The following TNNI3 variants were observed in gnomAD, a reference collection of about 807,000 sequenced individuals.
TNNI3 encodes troponin I3, cardiac type, also known as troponin I, cardiac muscle.
A neutral mutation model predicts 31.5 loss-of-function variants in TNNI3; 23 were observed. That is an observed-to-expected ratio of 0.73 (90% CI 0.52 to 1.03). TNNI3 has a LOEUF of 1.03. Among genes scored for constraint, TNNI3 ranks in the 50% least tolerant of loss-of-function variants. The pLI, the probability that TNNI3 is intolerant of heterozygous loss-of-function variation, is 0.00. For missense variants in TNNI3, 236 were observed against 282.9 expected, an observed-to-expected ratio of 0.83 and a Z score of 1.19; for synonymous variants, 120 against 111.7, an observed-to-expected ratio of 1.07 and a Z score of -0.47.
rs1461518960 is a variant in TNNI3, at chr19:55,151,825, CA to C, written c.*8del. ...CCCTCCTCAGGGCAGGGGCAGTAGGCAGGAAGGCTCAGCTCTCAAACTTTTT... is the reference window on the plus strand; with the variant it reads ...CCCTCCTCAGGGCAGGGGCAGTAGGCGGAAGGCTCAGCTCTCAAACTTTTT... On this transcript the variant is annotated 3_prime_UTR_variant, in exon 8 of 8. Coordinates refer to ENST00000344887, the MANE Select transcript of TNNI3 (RefSeq NM_000363.5). 7 of 1,613,604 alleles carry C rather than the reference CA, an allele frequency of 4.3e-6. No individual in the cohort carries two copies. The highest frequency in any genetic ancestry group is 5.9e-6 in the Non-Finnish European group (7 of 1,179,592).
chr19:55,154,902 G>GAGA lies in TNNI3; in HGVS notation c.283-75_283-73dup, dbSNP rs2085717568. On this transcript the variant is annotated intron_variant, in intron 5 of 7. Coordinates refer to ENST00000344887, the MANE Select transcript of TNNI3 (RefSeq NM_000363.5). ...GAGACCTGGACTCCTGGGTCTGAGG[G>GAGA]AGAAGGGGCTCGGGGCCTGGACTCC... The GAGA allele has an allele frequency of 2.9e-6, 4 of 1,383,950 alleles. No individual in the cohort carries two copies. The Admixed American group carries it at 7.0e-5, about 24-fold the overall frequency. 85.7% of individuals were successfully genotyped at this position (1,383,950 alleles called of 1,614,324 possible).
Position 55,154,777 on chromosome 19 carries a change from G to C in TNNI3, c.336C>G (p.Tyr112Ter). Residue 112 changes from tyrosine (Y) to a stop codon, truncating the protein, a stop_gained, in exon 6 of 8, where the codon TAC (tyrosine) becomes TAG (stop). Transcript: ENST00000344887. LOFTEE classifies it high-confidence loss of function. ...ARVDKVDEER[Y>*]DIEAKVTKNI... Reference sequence around the variant, plus strand: ...TCTTGGTGACTTTTGCCTCTATGTCGTATCTCTCTTCATCCACCTTGTCCA... The same window carrying C: ...TCTTGGTGACTTTTGCCTCTATGTCCTATCTCTCTTCATCCACCTTGTCCA... The C allele has an allele frequency of 2.5e-6, 4 of 1,614,164 alleles. No individual in the cohort carries two copies. Among genetic ancestry groups the C allele is most frequent in the Non-Finnish European group, 3.4e-6 (4 of 1,179,996 alleles).
Position 55,156,620 on chromosome 19 carries a change from T to C in TNNI3, c.133A>G (p.Arg45Gly). The C allele has an allele frequency of 6.4e-7, 1 of 1,565,386 alleles. No homozygotes were observed. The highest frequency in any genetic ancestry group is 8.7e-7 in the Non-Finnish European group (1 of 1,153,322). The change falls in exon 4 of 8, where the codon AGA becomes GGA. Residue 45 changes from arginine (R) to glycine (G), a missense_variant. Arg to Gly is a moderately radical substitution (Grantham distance 125). Around this residue, in one of 4 missense-constraint regions of TNNI3, gnomAD observed 172 missense variants for 171.8 expected, o/e 1.00. Transcript: ENST00000344887. The surrounding 1 kb of genome is among the most constrained non-coding windows in gnomAD (Gnocchi z 4.6). ...GTCCTCACCTTCAGCTGCAATTTTCTCGAGGCGGAGATCTTAGATTTTTTC... is the reference window on the plus strand; with the variant it reads ...GTCCTCACCTTCAGCTGCAATTTTCCCGAGGCGGAGATCTTAGATTTTTTC... ...AKKKSKISAS[R>G]KLQLKTLLLQ...
chr19:55,154,613 C>T, intron 6 of TNNI3, 128 bp downstream of exon 6: 2 of 826,650 alleles, frequency 2.4e-6, no homozygotes, highest in Non-Finnish European at 4.1e-6. Context: ...CCCAGCCCTG[C>T]CAGGCTCACA....
In TNNI3 at chr19:55,157,689, A is replaced by G; in HGVS notation, c.-100T>C. ...CCGGGTGACCTTCAGGGTCCCAGGG[A>G]CCGTCAGTCTCCTCCGGGCTGCTTG... On this transcript the variant is annotated 5_prime_UTR_variant, in exon 1 of 8. Coordinates refer to ENST00000344887, the MANE Select transcript of TNNI3 (RefSeq NM_000363.5). The surrounding 1 kb of genome is among the most constrained non-coding windows in gnomAD (Gnocchi z 6.3). The G allele has an allele frequency of 7.0e-7, 1 of 1,428,926 alleles. No homozygotes were observed. The highest frequency in any genetic ancestry group is 1.2e-5 in the South Asian group (1 of 85,428). The allele number at this position is 1,428,926 out of a possible 1,614,324, so 88.5% of individuals were successfully genotyped here.
rs1176661050 is a variant in TNNI3 at position 55,156,677 on chromosome 19, T to C, written c.109-33A>G. ...GGTGAGATGGAGCAAGGAAGGATCATGGAGGGGGATTCGGAGACGACGGTG... is the reference window on the plus strand; with the variant it reads ...GGTGAGATGGAGCAAGGAAGGATCACGGAGGGGGATTCGGAGACGACGGTG... On this transcript the variant is annotated intron_variant, in intron 3 of 7. Coordinates refer to ENST00000344887, the MANE Select transcript of TNNI3 (RefSeq NM_000363.5). The surrounding 1 kb of genome is among the most constrained non-coding windows in gnomAD (Gnocchi z 4.6). The C allele has an allele frequency of 6.4e-7, 1 of 1,557,400 alleles. No homozygotes were observed. The highest frequency in any genetic ancestry group is 8.7e-7 in the Non-Finnish European group (1 of 1,149,220).
chr19:55,156,240 C>T lies in TNNI3; in HGVS notation c.243G>A (p.Gln81=). ...EKGRALSTRC[Q]PLELAGLGFA... is the part of the protein sequence containing the mutation. ...AGCCCAGCCCGGCCAACTCCAGCGGCTGGCAGCGGGTGCTCAGAGCGCGCC... is the reference window on the plus strand; with the variant it reads ...AGCCCAGCCCGGCCAACTCCAGCGGTTGGCAGCGGGTGCTCAGAGCGCGCC... The change falls in exon 5 of 8, where the codon CAG becomes CAA. Residue 81 remains glutamine, a synonymous_variant. Transcript: ENST00000344887. The surrounding 1 kb of genome is among the most constrained non-coding windows in gnomAD (Gnocchi z 4.6). 2.5e-6 allele frequency: 4 copies of T among 1,612,602 alleles called. No individual in the cohort carries two copies. Among genetic ancestry groups the T allele is most frequent in the Non-Finnish European group, 3.4e-6 (4 of 1,179,842 alleles).
Position 55,156,139 on chromosome 19 carries a change from G to A in TNNI3, c.282+62C>T, listed in dbSNP as rs1373515569. ...GACGCCTGGGTCCCGAGCAGAAGAG[G>A]GGATAGAGGCTGTACTGCTGAATTC... On this transcript the variant is annotated intron_variant, in intron 5 of 7. Transcript: ENST00000344887. This position sits in a 1 kb window ranked among gnomAD's most constrained non-coding sequence, Gnocchi z 4.6. The A allele has an allele frequency of 1.9e-5, 30 of 1,611,828 alleles. No individual in the cohort carries two copies. The highest frequency in any genetic ancestry group is 2.5e-5 in the Non-Finnish European group (29 of 1,179,274).
In TNNI3 at chr19:55,154,733, C is replaced by A. The variant is rs200573982; in HGVS notation, c.372+8G>T. On this transcript the variant is annotated splice_region_variant and intron_variant, in intron 6 of 7. Transcript: ENST00000344887. ...CCCGAAGGTACCCGAGCTGCCCATG[C>A]GTCCCACCTCCGTGATGTTCTTGGT... 2.1e-5 allele frequency: 34 copies of A among 1,613,550 alleles called. No individual in the cohort carries two copies. In the East Asian group the frequency reaches 5.3e-4, roughly 25 times the overall value.
intron 6 of TNNI3, 35 bp downstream of exon 6, chr19:55,154,706 A>T (rs758175462): frequency 6.3e-7 from 1 of 1,595,390 alleles, no homozygotes; most frequent in Non-Finnish European, 8.6e-7. Context: ...ATCTCACCCT[A>T]CCCCGAAGGT....
chr19:55,154,173 G>C lies in TNNI3; in HGVS notation c.406C>G (p.Arg136Gly). 6.2e-7 allele frequency: 1 copy of C among 1,612,774 alleles called. No individual in the cohort carries two copies. The highest frequency in any genetic ancestry group is 8.5e-7 in the Non-Finnish European group (1 of 1,180,002). Reference protein sequence around the residue: ...ADLTQKIFDLRGKFKRPTLRR... With the variant: ...ADLTQKIFDLGGKFKRPTLRR... The stretch of plus-strand genomic sequence containing the variant: ...AGGGTGGGCCGCTTAAACTTGCCTC[G>C]AAGGTCAAAGATCTTCTGAGTCAGA... The change falls in exon 7 of 8, where the codon CGA (arginine) becomes GGA (glycine). Residue 136 changes from arginine (R) to glycine (G), a missense_variant. Coordinates refer to ENST00000344887, the MANE Select transcript of TNNI3 (RefSeq NM_000363.5).
intron 6 of TNNI3, 30 bp downstream of exon 6, chr19:55,154,711 G>T (rs377376034): frequency 6.9e-6 from 11 of 1,605,684 alleles, no homozygotes; most frequent in Non-Finnish European, 9.4e-6. Context: ...ACCCTACCCC[G>T]AAGGTACCCG....
In TNNI3 at chr19:55,156,535, C is replaced by T; in HGVS notation, c.150+68G>A. ...CACTTCCGCCCACCTACCCCGAAAG[C>T]CCCACCCATTCTCAAGCTCCGCCCC... On this transcript the variant is annotated intron_variant, in intron 4 of 7. Transcript: ENST00000344887. The surrounding 1 kb of genome is among the most constrained non-coding windows in gnomAD (Gnocchi z 4.6). The T allele has an allele frequency of 6.5e-7, 1 of 1,540,132 alleles. No homozygotes were observed. Among genetic ancestry groups the T allele is most frequent in the Non-Finnish European group, 8.8e-7 (1 of 1,137,670 alleles).
rs1425237638 is a variant in TNNI3 at position 55,152,159 on chromosome 19, CCCT to C, written c.550-245_550-243del. 1.4e-5 allele frequency among the ~76,000 whole-genome samples: 2 copies of C among 147,304 alleles called. No homozygotes were observed. Among genetic ancestry groups the C allele is most frequent in the African/African-American group, 5.1e-5 (2 of 39,124 alleles). ...TGTCTTTCCCCAGCACTTCCTGTCT[CCCT>C]CATGTACTTTCTGTCTTTCCCCATC... is the stretch of plus-strand genomic sequence containing the variant. On this transcript the variant is annotated intron_variant, in intron 7 of 7. Transcript: ENST00000344887. The surrounding 1 kb of genome is among the most constrained non-coding windows in gnomAD (Gnocchi z 4.0).
chr19:55,152,016 T>G lies in TNNI3; in HGVS notation c.550-99A>C. 1.9e-6 allele frequency: 2 copies of G among 1,073,652 alleles called. No individual in the cohort carries two copies. Among genetic ancestry groups the G allele is most frequent in the Non-Finnish European group, 2.8e-6 (2 of 704,420 alleles). 66.5% of individuals were successfully genotyped at this position (1,073,652 alleles called of 1,614,324 possible). A position where few individuals can be genotyped will look rare whatever the true frequency, so the allele number is the denominator to read the frequency against. On this transcript the variant is annotated intron_variant, in intron 7 of 7. Transcript: ENST00000344887. This position sits in a 1 kb window ranked among gnomAD's most constrained non-coding sequence, Gnocchi z 4.0. ...TCCAGCCTGTGGGGCCACTCTACCC[T>G]GGATGCCTAAGTATCTAGTTCTGGA...
chr19:55,156,191 G>C lies in TNNI3; in HGVS notation c.282+10C>G, dbSNP rs974607293. 8.7e-6 allele frequency: 14 copies of C among 1,612,630 alleles called. No homozygotes were observed. Among genetic ancestry groups the C allele is most frequent in the Non-Finnish European group, 1.2e-5 (14 of 1,179,850 alleles). On this transcript the variant is annotated intron_variant, in intron 5 of 7. Transcript: ENST00000344887. The surrounding 1 kb of genome is among the most constrained non-coding windows in gnomAD (Gnocchi z 4.6). Reference sequence around the variant, plus strand: ...GGGACTAGAAACCTCGCATCCTTGGGAGCCGGTACCTGCAGCTCCGCGAAG... The same window carrying C: ...GGGACTAGAAACCTCGCATCCTTGGCAGCCGGTACCTGCAGCTCCGCGAAG...
At position 55,152,082 on chromosome 19, in the gene TNNI3, C is replaced by CCATGCACTTCCTGTCTCCCT. The variant is rs989065683; in HGVS notation, c.550-185_550-166dup. ...TCAAGATAATCCCTGCCAATTTTCCCCATGCACTTCCTGTCTCCCTCATGC... is the reference window on the plus strand; with the variant it reads ...TCAAGATAATCCCTGCCAATTTTCCCCATGCACTTCCTGTCTCCCTCATGCACTTCCTGTCTCCCTCATGC... On this transcript the variant is annotated intron_variant, in intron 7 of 7. Coordinates refer to ENST00000344887, the MANE Select transcript of TNNI3 (RefSeq NM_000363.5). This position sits in a 1 kb window ranked among gnomAD's most constrained non-coding sequence, Gnocchi z 4.0. Among the ~76,000 whole-genome samples, 3 of 152,122 alleles carry CCATGCACTTCCTGTCTCCCT rather than the reference C, an allele frequency of 2.0e-5. No homozygotes were observed. The highest frequency in any genetic ancestry group is 4.4e-5 in the Non-Finnish European group (3 of 68,010).
At position 55,154,583 on chromosome 19, in the gene TNNI3, T is replaced by C. The variant is rs576042946; in HGVS notation, c.372+158A>G. On this transcript the variant is annotated intron_variant, in intron 6 of 7. Coordinates refer to ENST00000344887, the MANE Select transcript of TNNI3 (RefSeq NM_000363.5). ...TGCCTAGAACAGCTTTCCTTGACTA[T>C]ATTGTACTCATCCTTCTGCCCCAGC... is the stretch of plus-strand genomic sequence containing the variant. The C allele has an allele frequency of 8.2e-6, 6 of 730,876 alleles. No individual in the cohort carries two copies. In the African/African-American group the frequency reaches 1.0e-4, roughly 13 times the overall value. The allele number at this position is 730,876 out of a possible 1,614,324, so 45.3% of individuals were successfully genotyped here.
intron 7 of TNNI3, 72 bp downstream of exon 7, chr19:55,153,958 C>T: frequency 6.3e-7 from 1 of 1,575,376 alleles, no homozygotes; most frequent in Non-Finnish European, 8.7e-7. Flanking sequence ...CATCTGCCCT[C>T]AGGCCTAGGG....
Sources: allele counts gnomAD v4.1 joint callset (sites outside exome capture counted in the v4.1 genomes callset), GRCh38; gene constraint gnomAD v4.1.1; regional missense constraint gnomAD v4.1.1; non-coding constraint Gnocchi (gnomAD v3.1); transcripts MANE v1.5; gene names NCBI Gene and HGNC (gene_info 2026-07-23, HGNC 2026-07-21).